Variants in NCOA1 observed in about 807,000 individuals in gnomAD.
NCOA1 encodes nuclear receptor coactivator 1.
A neutral mutation model predicts 150.9 loss-of-function variants in NCOA1; 35 were observed. The ratio of observed to expected loss-of-function variants is 0.23; its 90% CI spans 0.18 to 0.31. The LOEUF (loss-of-function observed/expected upper bound fraction) is 0.31. NCOA1 is among the 10% of genes least tolerant of loss of function. The probability of loss-of-function intolerance (pLI) is 1.00; values close to 1 mark genes in which losing one functional copy is unlikely to be tolerated. For synonymous variants in NCOA1, 590 were observed against 630.0 expected (o/e 0.94, Z 0.95); for missense variants, 1,491 against 1,749.3 (o/e 0.85, Z 2.63).
intron 1 of NCOA1, among the ~76,000 whole-genome samples, chr2:24,500,292 G>A (rs1199372911): frequency 6.6e-6 from 1 of 152,066 alleles, no homozygotes; most frequent in African/African-American, 2.4e-5. Context: ...ATTTTTAGTG[G>A]AGACGGGGTT....
intron 1 of NCOA1, among the ~76,000 whole-genome samples, chr2:24,505,148 A>G (rs948310937): frequency 6.7e-6 from 1 of 149,668 alleles, no homozygotes; most frequent in Non-Finnish European, 1.5e-5. Flanking sequence ...AACTTTTTAA[A>G]CCTTAGACTT....
rs746317127 is a variant in NCOA1, at chr2:24,637,048, ATTTCT to A, written c.-174-6914_-174-6910del. On this transcript the variant is annotated intron_variant, in intron 3 of 22. Coordinates refer to ENST00000348332, the MANE Select transcript of NCOA1 (RefSeq NM_003743.5). ...GTATCCCTCATCTCACACATTTATC[ATTTCT>A]TTTTTTTTGAGATTTTTTAAAATCT... is the stretch of plus-strand genomic sequence containing the variant. 4.0e-5 allele frequency among the ~76,000 whole-genome samples: 6 copies of A among 150,950 alleles called. No homozygotes were observed. In the East Asian group the frequency reaches 7.7e-4, roughly 19 times the overall value.
rs956248619 is a variant in NCOA1, at chr2:24,770,406, A to G, written c.*2015A>G. The stretch of plus-strand genomic sequence containing the variant: ...GATGCTAACATCCTCCCCCATCCCA[A>G]CTGCACCTTAAAATATGCATGTCAC... On this transcript the variant is annotated 3_prime_UTR_variant, in exon 23 of 23. Transcript: ENST00000348332. The G allele has an allele frequency of 2.2e-5, 5 of 229,706 alleles. No individual in the cohort carries two copies. The highest frequency in any genetic ancestry group is 2.6e-5 in the Non-Finnish European group (3 of 115,698). 14.2% of individuals were successfully genotyped at this position (229,706 alleles called of 1,614,324 possible).
rs148648752 is a variant in NCOA1, at chr2:24,707,198, A to G, written c.1728A>G (p.Gln576=). 30 of 1,614,212 alleles carry G rather than the reference A, an allele frequency of 1.9e-5. No individual in the cohort carries two copies. In the African/African-American group the frequency reaches 3.5e-4, roughly 19 times the overall value. The change falls in exon 13 of 23, where the codon CAA becomes CAG. Residue 576 remains glutamine, a synonymous_variant. Transcript: ENST00000348332. ...ATTCACCTAGCAGATTAAATATACAACCAGCAAAAGCTGAGTCCAAAGATA... is the reference window on the plus strand; with the variant it reads ...ATTCACCTAGCAGATTAAATATACAGCCAGCAAAAGCTGAGTCCAAAGATA... The part of the protein sequence containing the change: ...SQNSPSRLNI[Q]PAKAESKDNK...
intron 14 of NCOA1, among the ~76,000 whole-genome samples, chr2:24,713,167 G>T (rs1361222433): frequency 6.6e-6 from 1 of 152,034 alleles, no homozygotes; most frequent in Non-Finnish European, 1.5e-5. Flanking sequence ...GGAGGCAGAG[G>T]TTGCAGTCAG....
intron 3 of NCOA1, among the ~76,000 whole-genome samples, chr2:24,600,752 C>G (rs1386991844): frequency 6.6e-6 from 1 of 152,156 alleles, no homozygotes; most frequent in Non-Finnish European, 1.5e-5. Context: ...TTCTCAAGCC[C>G]TATTCTAATT....
Position 24,673,500 on chromosome 2 carries a change from C to A in NCOA1, c.354+37C>A, listed in dbSNP as rs770966895. 5 of 1,446,698 alleles carry A rather than the reference C, an allele frequency of 3.5e-6. No homozygotes were observed. The Admixed American group carries it at 1.1e-4, about 31-fold the overall frequency. The allele number at this position is 1,446,698 out of a possible 1,614,324, so 89.6% of individuals were successfully genotyped here. A position where few individuals can be genotyped will look rare whatever the true frequency, so the allele number is the denominator to read the frequency against. On this transcript the variant is annotated intron_variant, in intron 7 of 22. Transcript: ENST00000348332. ...CATTGACTCAGAAAGTGATTAAAATCTTTGTTGTAGCCAGTTTGGTTTTTT... is the reference window on the plus strand; with the variant it reads ...CATTGACTCAGAAAGTGATTAAAATATTTGTTGTAGCCAGTTTGGTTTTTT...
intron 6 of NCOA1, among the ~76,000 whole-genome samples, chr2:24,669,768 A>G (rs1046063242): frequency 6.6e-5 from 10 of 152,244 alleles, no homozygotes; most frequent in Admixed American, 3.9e-4. Context: ...AAGATGCCCA[A>G]TATCATTAGC....
intron 1 of NCOA1, among the ~76,000 whole-genome samples, chr2:24,496,460 C>T (rs940739004): frequency 6.6e-6 from 1 of 152,128 alleles, no homozygotes; most frequent in African/African-American, 2.4e-5. Context: ...ATTGGATTTC[C>T]TTTATGTTCT....
rs1038883576 is a variant in NCOA1 at position 24,761,714 on chromosome 2, A to G, written c.4066-973A>G. Among the ~76,000 whole-genome samples, 36 of 152,084 alleles carry G rather than the reference A, an allele frequency of 2.4e-4. 1 individual carries two copies. Among genetic ancestry groups the G allele is most frequent in the East Asian group, 1.9e-4 (1 of 5,202 alleles). ...ATTTTACCTTGTTTATATTCCTACA[A>G]ATATTCTTGAGCTTTGTTCTAGGAA... On this transcript the variant is annotated intron_variant, in intron 21 of 22. Coordinates refer to ENST00000348332, the MANE Select transcript of NCOA1 (RefSeq NM_003743.5).
At chr2:24,760,493 A>G (rs1410786904) in intron 21 of NCOA1, among the ~76,000 whole-genome samples, 2 of 151,880 alleles carry the variant, frequency 1.3e-5, no homozygotes, top group Admixed American at 6.6e-5. Flanking sequence ...GCCTGCGGCT[A>G]ATGAGCTTTT....
Position 24,758,068 on chromosome 2 carries a change from C to A in NCOA1, c.3977C>A (p.Thr1326Lys). Residue 1326 changes from threonine to lysine, a missense_variant, in exon 21 of 23, where the codon ACG becomes AAG. Thr to Lys is a moderately conservative substitution (Grantham distance 78, BLOSUM62 -1). Around this residue, in one of 8 missense-constraint regions of NCOA1, gnomAD observed 485 missense variants for 522.8 expected, o/e 0.93. Transcript: ENST00000348332. ...ACCGTTTCCATGGCAGGTGGAAATA[C>A]GAATGTTCAGAACATGAACCCAATG... ...SITVSMAGGN[T>K]NVQNMNPMMA... is the part of the protein sequence containing the mutation. 1 of 1,614,032 alleles carries A rather than the reference C, an allele frequency of 6.2e-7. No homozygotes were observed. Among genetic ancestry groups the A allele is most frequent in the Non-Finnish European group, 8.5e-7 (1 of 1,180,006 alleles).
intron 1 of NCOA1, among the ~76,000 whole-genome samples, chr2:24,500,728 C>G (rs914774282): frequency 2.0e-5 from 3 of 152,068 alleles, no homozygotes; most frequent in South Asian, 2.1e-4. Context: ...TTTGTTGGTC[C>G]TTTTTGTGAA....
At chr2:24,541,957 C>T (rs2148196090) in intron 1 of NCOA1, among the ~76,000 whole-genome samples, 1 of 152,150 alleles carries the variant, frequency 6.6e-6, no homozygotes, top group Non-Finnish European at 1.5e-5. Context: ...ACTCTGAGAA[C>T]AGGAAAAAGA....
intron 10 of NCOA1, 142 bp downstream of exon 10, chr2:24,693,489 G>A: frequency 1.5e-6 from 1 of 681,846 alleles, no homozygotes; most frequent in South Asian, 1.9e-5. Context: ...ATTTTAAATG[G>A]TGCTCTTGAG....
intron 4 of NCOA1, among the ~76,000 whole-genome samples, chr2:24,649,664 T>A (rs1670626810): frequency 1.3e-5 from 2 of 152,224 alleles, no homozygotes; most frequent in Admixed American, 1.3e-4. Flanking sequence ...AAATTAAATT[T>A]TAAATGAAGC....
At chr2:24,747,327 C>CTTTTTTTTTTT (rs148901218) in intron 19 of NCOA1, among the ~76,000 whole-genome samples, 5 of 120,164 alleles carry the variant, frequency 4.2e-5, no homozygotes, top group Admixed American at 1.8e-4. Flanking sequence ...TTATTTTTCT[C>CTTTTTTTTTTT]TTTTTTTTTT....
At chr2:24,674,442 G>A (rs1179696033) in intron 7 of NCOA1, among the ~76,000 whole-genome samples, 1 of 152,064 alleles carries the variant, frequency 6.6e-6, no homozygotes, top group Non-Finnish European at 1.5e-5. Context: ...TCCTGACGTC[G>A]TGATCCGCCC....
intron 17 of NCOA1, among the ~76,000 whole-genome samples, chr2:24,734,509 A>T (rs1663187322): frequency 6.6e-6 from 1 of 152,206 alleles, no homozygotes; most frequent in African/African-American, 2.4e-5. Flanking sequence ...TAAAAATTAA[A>T]CCAGGCTGGA....
Sources: allele counts gnomAD v4.1 joint callset (sites outside exome capture counted in the v4.1 genomes callset), GRCh38; gene constraint gnomAD v4.1.1; regional missense constraint gnomAD v4.1.1; transcripts MANE v1.5; gene names NCBI Gene and HGNC (gene_info 2026-07-23, HGNC 2026-07-21).